SCFD2: variants seen among roughly 807,000 people sequenced by gnomAD.
SCFD2 encodes sec1 family domain-containing protein 2.
In SCFD2, 54 loss-of-function variants were observed where a neutral mutation model predicts 58.9. The ratio of observed to expected loss-of-function variants is 0.92; its 90% confidence interval spans 0.74 to 1.15. The LOEUF (loss-of-function observed/expected upper bound fraction) is 1.15. Ranked by LOEUF, SCFD2 falls within the 50% of genes most tolerant of loss-of-function variation. The pLI is 0.00. For missense variants in SCFD2, 805 were observed against 836.6 expected (o/e 0.96, Z 0.47); for synonymous variants, 321 against 335.9 (o/e 0.96, Z 0.49).
rs74558628 is a variant in SCFD2 at position 53,002,461 on chromosome 4, A to G, written c.1562-81591T>C. On this transcript the variant is annotated intron_variant, in intron 5 of 8. Transcript: ENST00000401642. ...ATGAACAACAGCAGCCTTGCTTAAT[A>G]TCACTGGGGAAGGGTAAGTTTTCTT... is the stretch of plus-strand genomic sequence containing the variant. 1.4e-3 allele frequency among the ~76,000 whole-genome samples: 206 copies of G among 152,250 alleles called. 3 individuals carry two copies. The East Asian group carries it at 0.033, about 25-fold the overall frequency.
At chr4:53,316,208 T>C (rs1415625430) in intron 2 of SCFD2, among the ~76,000 whole-genome samples, 1 of 152,182 alleles carries the variant, frequency 6.6e-6, no homozygotes, top group Non-Finnish European at 1.5e-5. Flanking sequence ...TGACTTATTA[T>C]GTTTCCATGT....
intron 4 of SCFD2, among the ~76,000 whole-genome samples, chr4:53,149,932 C>T (rs1726457866): frequency 6.6e-6 from 1 of 152,162 alleles, no homozygotes; most frequent in African/African-American, 2.4e-5. Flanking sequence ...AAAAAATAAC[C>T]TAACTACTAA....
chr4:53,234,201 C>G (rs1462214589), intron 4 of SCFD2, among the ~76,000 whole-genome samples: 1 of 152,122 alleles, frequency 6.6e-6, no homozygotes, highest in Non-Finnish European at 1.5e-5. Context: ...TTCAGTTTGA[C>G]AATGTTACTG....
intron 5 of SCFD2, among the ~76,000 whole-genome samples, chr4:53,132,635 A>C (rs1725816910): frequency 6.6e-6 from 1 of 152,156 alleles, no homozygotes; most frequent in East Asian, 1.9e-4. Context: ...TACACCCTGA[A>C]GTTTTCCTTT....
chr4:52,960,600 C>T (rs945011792), intron 5 of SCFD2, among the ~76,000 whole-genome samples: 10 of 152,038 alleles, frequency 6.6e-5, no homozygotes, highest in Non-Finnish European at 1.3e-4. Context: ...AACTCCCGAC[C>T]TCAGGTGATC....
intron 5 of SCFD2, among the ~76,000 whole-genome samples, chr4:53,026,465 T>C (rs549756376): frequency 1.4e-4 from 22 of 152,246 alleles, no homozygotes; most frequent in Non-Finnish European, 2.4e-4. Flanking sequence ...TCCAATTTCC[T>C]AGTGCAGTCC....
intron 4 of SCFD2, among the ~76,000 whole-genome samples, chr4:53,182,250 C>T (rs1727587631): frequency 6.6e-6 from 1 of 152,178 alleles, no homozygotes; most frequent in Non-Finnish European, 1.5e-5. Context: ...TGACTTCAAA[C>T]TATACTACAA....
At chr4:52,975,366 G>T (rs1258870980) in intron 5 of SCFD2, among the ~76,000 whole-genome samples, 1 of 152,182 alleles carries the variant, frequency 6.6e-6, no homozygotes, top group African/African-American at 2.4e-5. Context: ...CGAAGGATAT[G>T]AACAGACACT....
At chr4:52,885,598 G>T in intron 8 of SCFD2, 149 bp downstream of exon 8, 2 of 843,676 alleles carry the variant, frequency 2.4e-6, no homozygotes, top group East Asian at 2.6e-5. Flanking sequence ...TTGTGAAACA[G>T]GCGGTAGCAG....
At chr4:52,956,665 C>T (rs1035921782) in intron 5 of SCFD2, 2 of 169,546 alleles carry the variant, frequency 1.2e-5, no homozygotes, top group African/African-American at 4.8e-5. Flanking sequence ...TTAGTAAAGT[C>T]CTAGACAAGA....
intron 5 of SCFD2, among the ~76,000 whole-genome samples, chr4:53,020,603 C>T (rs1722323598): frequency 6.6e-6 from 1 of 152,158 alleles, no homozygotes; most frequent in Non-Finnish European, 1.5e-5. Context: ...CTGTGAGATG[C>T]TTTCAGATCT....
intron 2 of SCFD2, among the ~76,000 whole-genome samples, chr4:53,337,299 T>C (rs548817439): frequency 3.9e-5 from 6 of 152,288 alleles, no homozygotes; most frequent in African/African-American, 1.4e-4. Flanking sequence ...CCAGTCAGAA[T>C]TGGATTAGGG....
In SCFD2 at chr4:53,126,791, C is replaced by T. The variant is rs557289280; in HGVS notation, c.1561+18542G>A. On this transcript the variant is annotated intron_variant, in intron 5 of 8. Transcript: ENST00000401642. ...GCAGGATTCCCGAGAACCACCGTCT[C>T]GGCAGAGAGCTCTCCTCTTTCTCCC... Among the ~76,000 whole-genome samples the T allele has an allele frequency of 3.3e-4, 50 of 152,206 alleles. No individual in the cohort carries two copies. In the South Asian group the frequency reaches 3.9e-3, roughly 12 times the overall value.
chr4:53,226,084 G>A (rs1162796000), intron 4 of SCFD2, among the ~76,000 whole-genome samples: 1 of 152,100 alleles, frequency 6.6e-6, no homozygotes, highest in Non-Finnish European at 1.5e-5. Flanking sequence ...TTACAGATAT[G>A]AGCCACTGCA....
chr4:53,322,970 C>T (rs1476349996), intron 2 of SCFD2, among the ~76,000 whole-genome samples: 3 of 152,202 alleles, frequency 2.0e-5, no homozygotes, highest in Non-Finnish European at 4.4e-5. Flanking sequence ...ATGTATCTGC[C>T]TGCTTCACCC....
intron 7 of SCFD2, among the ~76,000 whole-genome samples, chr4:52,904,941 C>T (rs1046115339): frequency 1.3e-5 from 2 of 152,162 alleles, no homozygotes; most frequent in Admixed American, 6.5e-5. Context: ...CCTCAGTTTC[C>T]TCACTGGTAA....
chr4:53,161,421 C>T (rs1211775244), intron 4 of SCFD2, among the ~76,000 whole-genome samples: 2 of 152,132 alleles, frequency 1.3e-5, no homozygotes, highest in African/African-American at 4.8e-5. Flanking sequence ...ACATAAGAAG[C>T]TTACAGAATT....
intron 4 of SCFD2, among the ~76,000 whole-genome samples, chr4:53,238,082 GC>G (rs1729724237): frequency 7.4e-6 from 1 of 134,552 alleles, no homozygotes; most frequent in Non-Finnish European, 1.6e-5. Context: ...CCCGGATGGG[GC>G]GGCTGGCCGG....
chr4:52,927,596 T>C (rs1252927319), intron 5 of SCFD2, among the ~76,000 whole-genome samples: 1 of 152,256 alleles, frequency 6.6e-6, no homozygotes, highest in African/African-American at 2.4e-5. Context: ...AATTTTCTTT[T>C]TGAGTTCATA....
Sources: gnomAD v4.1 joint callset for allele counts (sites outside exome capture counted in the v4.1 genomes callset) on GRCh38, gnomAD v4.1.1 for gene constraint, MANE v1.5 for transcripts, NCBI Gene and HGNC (gene_info 2026-07-23, HGNC 2026-07-21) for gene names.